FAM186B: variants seen among roughly 807,000 people sequenced by gnomAD.
The protein encoded by FAM186B is family with sequence similarity 186 member B, also known as protein FAM186B.
A neutral mutation model predicts 83.4 loss-of-function variants in FAM186B; 68 were observed. The observed-to-expected ratio is 0.81, with a 90% CI of 0.67 to 1.00. The LOEUF is 1.00. Among genes scored for constraint, FAM186B ranks in the 50% least tolerant of loss-of-function variants. The probability of loss-of-function intolerance (pLI) is 0.00; values close to 1 mark genes in which losing one functional copy is unlikely to be tolerated. For missense variants in FAM186B, 983 were observed against 1,099.2 expected (o/e 0.89, Z 1.49); for synonymous variants, 389 against 422.0 (o/e 0.92, Z 0.96).
chr12:49,600,663 C>T lies in FAM186B; in HGVS notation c.977G>A (p.Gly326Asp), dbSNP rs2138294913. The T allele has an allele frequency of 6.2e-7, 1 of 1,614,132 alleles. No homozygotes were observed. Among genetic ancestry groups the T allele is most frequent in the Non-Finnish European group, 8.5e-7 (1 of 1,180,010 alleles). ...AACCTCAGCCAGGTCTTCTGCCTGA[C>T]CTGTAGCATTCTGAGCCTTCTTCAG... Reference protein sequence around the residue: ...FQLKKAQNATGQAEDLAEVSV... With the variant: ...FQLKKAQNATDQAEDLAEVSV... Residue 326 changes from glycine to aspartate, a missense_variant, in exon 4 of 7, where the codon GGT becomes GAT. Physicochemically the swap from Gly to Asp is moderately conservative, Grantham distance 94. Transcript: ENST00000257894. This position sits in a 1 kb window ranked among gnomAD's most constrained non-coding sequence, Gnocchi z 4.3.
the FAM186B span, among the ~76,000 whole-genome samples, chr12:49,613,248 C>A: frequency 1.3e-5 from 2 of 152,078 alleles, no homozygotes; most frequent in Admixed American, 6.6e-5. Flanking sequence ...TAGATCTCGG[C>A]CTGGTGCAGT....
chr12:49,614,586 GGGAGAAAA>G, the FAM186B span, among the ~76,000 whole-genome samples: 1 of 152,182 alleles, frequency 6.6e-6, no homozygotes, highest in African/African-American at 2.4e-5. Context: ...GGAAGCAGGA[GGGAGAAAA>G]GGAGGAAAGG....
At position 49,598,841 on chromosome 12, in the gene FAM186B, T is replaced by C. The variant is rs1939793078; in HGVS notation, c.2278A>G (p.Arg760Gly). 1 of 1,612,988 alleles carries C rather than the reference T, an allele frequency of 6.2e-7. No homozygotes were observed. The highest frequency in any genetic ancestry group is 1.7e-4 in the Middle Eastern group (1 of 6,058). The change falls in exon 5 of 7, where the codon AGG becomes GGG. Residue 760 changes from arginine to glycine, a missense_variant. Arg to Gly is a moderately radical substitution (Grantham distance 125). Transcript: ENST00000257894. Reference sequence around the variant, plus strand: ...TGCTTGTCCGTCCAGGCCTGCAGCCTGAGACTCTGCAGGCGGTCAATGTTT... The same window carrying C: ...TGCTTGTCCGTCCAGGCCTGCAGCCCGAGACTCTGCAGGCGGTCAATGTTT... ...LENIDRLQSL[R>G]LQAWTDKQKG...
chr12:49,606,382 C>T (rs1239517089), upstream of FAM186B, among the ~76,000 whole-genome samples: 2 of 151,716 alleles, frequency 1.3e-5, no homozygotes, highest in African/African-American at 2.4e-5. Flanking sequence ...GGGATCCCAA[C>T]TACTTGAGAG....
At position 49,600,363 on chromosome 12, in the gene FAM186B, G is replaced by A; in HGVS notation, c.1277C>T (p.Pro426Leu). 1 of 1,614,150 alleles carries A rather than the reference G, an allele frequency of 6.2e-7. No individual in the cohort carries two copies. The change falls in exon 4 of 7, where the codon CCT (proline) becomes CTT (leucine). Residue 426 changes from proline to leucine, a missense_variant. Coordinates refer to ENST00000257894, the MANE Select transcript of FAM186B (RefSeq NM_032130.3). This position sits in a 1 kb window ranked among gnomAD's most constrained non-coding sequence, Gnocchi z 4.3. ...VLLPLVDRRF[P>L]KKWERPVAES... ...TGCCACCGGTCTTTCCCATTTCTTA[G>A]GAAACCTGCGATCTACTAAGGGTAA...
chr12:49,602,945 T>A (rs146404154), intron 3 of FAM186B, among the ~76,000 whole-genome samples: 111 of 152,298 alleles, frequency 7.3e-4, no homozygotes, highest in African/African-American at 2.5e-3. Flanking sequence ...ACAGCTCCAG[T>A]GAGCACACCA....
chr12:49,613,211 C>T, the FAM186B span, among the ~76,000 whole-genome samples: 2 of 152,122 alleles, frequency 1.3e-5, no homozygotes, highest in Admixed American at 6.6e-5. Flanking sequence ...GGAATGTTTA[C>T]AGCACTAAAT....
chr12:49,621,614 G>A, the FAM186B span, among the ~76,000 whole-genome samples: 6 of 152,282 alleles, frequency 3.9e-5, no homozygotes, highest in African/African-American at 1.4e-4. Flanking sequence ...GAGTTTGTGA[G>A]AAATACATAG....
intron 1 of FAM186B, 164 bp from the exon 2 acceptor site, chr12:49,604,702 G>A: frequency 1.7e-6 from 1 of 586,908 alleles, no homozygotes; most frequent in South Asian, 2.4e-5. Flanking sequence ...GTTTCTGTAA[G>A]GATTAAATGA....
upstream of FAM186B, among the ~76,000 whole-genome samples, chr12:49,610,140 T>TG (rs755843373): frequency 1.5e-5 from 2 of 137,762 alleles, no homozygotes; most frequent in African/African-American, 2.8e-5. Flanking sequence ...AAAGGGAAGG[T>TG]GGAAAAAAAA....
rs74239917 is a variant in FAM186B at position 49,600,019 on chromosome 12, G to C, written c.1621C>G (p.Gln541Glu). ...TCTGGCTCTCTCCGTGGGCTCTCCT[G>C]CTCCTTTTCTAGCTGGACCCATCTC... ...QRRWVQLEKEQESPRREPEQL... is the reference protein window; with the variant it reads ...QRRWVQLEKEEESPRREPEQL... Residue 541 changes from glutamine (Q) to glutamate (E), a missense_variant, in exon 4 of 7, where the codon CAG becomes GAG. Coordinates refer to ENST00000257894, the MANE Select transcript of FAM186B (RefSeq NM_032130.3). The surrounding 1 kb of genome is among the most constrained non-coding windows in gnomAD (Gnocchi z 4.3). 5.0e-6 allele frequency: 8 copies of C among 1,609,444 alleles called. No individual in the cohort carries two copies. In the East Asian group the frequency reaches 1.6e-4, roughly 31 times the overall value.
chr12:49,588,312 G>C, intron 6 of FAM186B, 142 bp downstream of exon 6: 1 of 1,051,564 alleles, frequency 9.5e-7, no homozygotes. Flanking sequence ...GGGCAGCTGA[G>C]AAGACAGGCA....
rs140386687 is a variant in FAM186B at position 49,598,861 on chromosome 12, A to G, written c.2258T>C (p.Ile753Thr). ...AQNLYIFLEN[I>T]DRLQSLRLQA... ...CAGCCTGAGACTCTGCAGGCGGTCA[A>G]TGTTTTCCAGGAAGATGTAGAGGTT... is the stretch of plus-strand genomic sequence containing the variant. Residue 753 changes from isoleucine (I) to threonine (T), a missense_variant, in exon 5 of 7, where the codon ATT (isoleucine) becomes ACT (threonine). Transcript: ENST00000257894. 570 of 1,613,152 alleles carry G rather than the reference A, an allele frequency of 3.5e-4. No homozygotes were observed. The highest frequency in any genetic ancestry group is 2.2e-3 in the Admixed American group (131 of 59,924).
At position 49,587,606 on chromosome 12, in the gene FAM186B, T is replaced by C. The variant is rs199781088; in HGVS notation, c.2681A>G (p.Ter894TrpextTer14). Residue 894 changes from the stop codon to tryptophan (W), a stop_lost, in exon 7 of 7, where the codon TAG (stop) becomes TGG (tryptophan). Coordinates refer to ENST00000257894, the MANE Select transcript of FAM186B (RefSeq NM_032130.3). ...DIPRLLTLDV[*>W] ...GTTCAGGCTTTTGTGGCAGGAGGACTACACGTCCAGTGTCAACAGCCGGGG... is the reference window on the plus strand; with the variant it reads ...GTTCAGGCTTTTGTGGCAGGAGGACCACACGTCCAGTGTCAACAGCCGGGG... 3.7e-6 allele frequency: 6 copies of C among 1,613,426 alleles called. No individual in the cohort carries two copies. In the Admixed American group the frequency reaches 1.0e-4, roughly 27 times the overall value.
In FAM186B at chr12:49,588,397, C is replaced by T. The variant is rs1239277767; in HGVS notation, c.2534+57G>A. 2.8e-5 allele frequency: 44 copies of T among 1,559,790 alleles called. No individual in the cohort carries two copies. In the Admixed American group the frequency reaches 7.9e-4, roughly 28 times the overall value. On this transcript the variant is annotated intron_variant, in intron 6 of 6. Coordinates refer to ENST00000257894, the MANE Select transcript of FAM186B (RefSeq NM_032130.3). ...GCCCACCTCCCCAGGCTGGTCACCC[C>T]TGCTCCCTGCCTCTTCACCCATACA...
the FAM186B span, among the ~76,000 whole-genome samples, chr12:49,620,837 G>T: frequency 6.6e-6 from 1 of 152,142 alleles, no homozygotes; most frequent in Admixed American, 6.5e-5. Context: ...TTCTCCGTAA[G>T]AATTGTAAAC....
the FAM186B span, among the ~76,000 whole-genome samples, chr12:49,611,824 A>G: frequency 6.9e-6 from 1 of 144,648 alleles, no homozygotes; most frequent in Non-Finnish European, 1.5e-5. Context: ...ATGCCACTGC[A>G]CTCCAGCATG....
chr12:49,600,644 A>G lies in FAM186B; in HGVS notation c.996T>C (p.Ala332=), dbSNP rs926806611. The change falls in exon 4 of 7, where the codon GCT becomes GCC. Residue 332 remains alanine, a synonymous_variant. Transcript: ENST00000257894. This position sits in a 1 kb window ranked among gnomAD's most constrained non-coding sequence, Gnocchi z 4.3. ...GACCTGGGGAGTCAACAGAAACCTC[A>G]GCCAGGTCTTCTGCCTGACCTGTAG... ...QNATGQAEDL[A]EVSVDSPGPS... is the part of the protein sequence containing the mutation. The G allele has an allele frequency of 3.1e-6, 5 of 1,613,754 alleles. No individual in the cohort carries two copies. The African/African-American group carries it at 6.7e-5, about 22-fold the overall frequency.
chr12:49,594,132 A>T, intron 5 of FAM186B: 2 of 271,280 alleles, frequency 7.4e-6, no homozygotes, highest in Non-Finnish European at 1.5e-5. Context: ...AGCCAATGAT[A>T]TATATCTGTG....
Sources: allele counts gnomAD v4.1 joint callset (sites outside exome capture counted in the v4.1 genomes callset), GRCh38; gene constraint gnomAD v4.1.1; non-coding constraint Gnocchi (gnomAD v3.1); transcripts MANE v1.5; gene names NCBI Gene and HGNC (gene_info 2026-07-23, HGNC 2026-07-21).